TMEM266: variants seen among roughly 807,000 people sequenced by gnomAD.
TMEM266 encodes transmembrane protein 266, also known as Hv1 related protein 1.
A neutral mutation model predicts 50.5 loss-of-function variants in TMEM266; 33 were observed. That is an observed-to-expected ratio of 0.65 (90% confidence interval 0.50 to 0.87). TMEM266 has a LOEUF of 0.87. Among genes scored for constraint, TMEM266 ranks in the 40% least tolerant of loss-of-function variants. The pLI is 0.00. For synonymous variants in TMEM266, 310 were observed against 292.3 expected, an observed-to-expected ratio of 1.06 and a Z score of -0.62; for missense variants, 655 against 695.1, an observed-to-expected ratio of 0.94 and a Z score of 0.65.
At chr15:76,078,160 G>A (rs1289521519) in intron 1 of TMEM266, among the ~76,000 whole-genome samples, 2 of 152,076 alleles carry the variant, frequency 1.3e-5, no homozygotes, top group African/African-American at 2.4e-5. Context: ...ACTTTGTGGT[G>A]CTGGAGACAA....
chr15:76,184,001 C>T (rs1286065702), intron 8 of TMEM266, among the ~76,000 whole-genome samples: 1 of 152,204 alleles, frequency 6.6e-6, no homozygotes, highest in Admixed American at 6.5e-5. Flanking sequence ...GTTTTCTGGA[C>T]CCCTGAGAGA....
At chr15:76,188,085 C>A (rs1018907319) in intron 8 of TMEM266, among the ~76,000 whole-genome samples, 1 of 151,976 alleles carries the variant, frequency 6.6e-6, no homozygotes, top group Non-Finnish European at 1.5e-5. Context: ...TGCCTTCCCC[C>A]CCCACCCCGC....
intron 9 of TMEM266, among the ~76,000 whole-genome samples, chr15:76,199,399 C>G (rs1278680250): frequency 6.6e-6 from 1 of 152,214 alleles, no homozygotes; most frequent in African/African-American, 2.4e-5. Context: ...AGCCAGGACT[C>G]AGGATGTCTC....
intron 1 of TMEM266, among the ~76,000 whole-genome samples, chr15:76,064,548 G>C (rs759679106): frequency 2.6e-5 from 4 of 152,164 alleles, no homozygotes; most frequent in Non-Finnish European, 4.4e-5. Flanking sequence ...GGGAGAAACT[G>C]CTCCTCAGCC....
At position 76,187,450 on chromosome 15, in the gene TMEM266, G is replaced by A. The variant is rs139059722; in HGVS notation, c.769-4518G>A. Among the ~76,000 whole-genome samples, 1,308 of 152,368 alleles carry A rather than the reference G, an allele frequency of 8.6e-3. 23 individuals are homozygous for A. The highest frequency in any genetic ancestry group is 0.03 in the African/African-American group (1,250 of 41,584). ...ATGGGAGGTTCAGATCAGCAGGGCA[G>A]GAGGGGCTCCCCCAGCAGAGCTTGG... is the stretch of plus-strand genomic sequence containing the variant. On this transcript the variant is annotated intron_variant, in intron 8 of 10. Transcript: ENST00000388942.
intron 1 of TMEM266, among the ~76,000 whole-genome samples, chr15:76,101,460 G>C (rs2036998330): frequency 6.6e-6 from 1 of 152,228 alleles, no homozygotes; most frequent in Admixed American, 6.5e-5. Context: ...TCCAGGCAGT[G>C]CCCTGTCTGA....
At chr15:76,122,510 CAA>C (rs1377257486) in intron 1 of TMEM266, among the ~76,000 whole-genome samples, 1 of 152,106 alleles carries the variant, frequency 6.6e-6, no homozygotes, top group African/African-American at 2.4e-5. Flanking sequence ...TATTCACTGG[CAA>C]AGTTAATTAT....
At chr15:76,067,433 A>C (rs1273000121) in intron 1 of TMEM266, among the ~76,000 whole-genome samples, 1 of 152,024 alleles carries the variant, frequency 6.6e-6, no homozygotes, top group Admixed American at 6.6e-5. Context: ...ACCTAAGGTC[A>C]GGAGTTTGAG....
At chr15:76,084,492 T>C (rs1411372367) in intron 1 of TMEM266, among the ~76,000 whole-genome samples, 6 of 151,978 alleles carry the variant, frequency 3.9e-5, no homozygotes, top group Non-Finnish European at 8.8e-5. Context: ...TATGGAGAAA[T>C]AGCAAGTGAT....
intron 7 of TMEM266, among the ~76,000 whole-genome samples, chr15:76,173,322 G>C (rs1225548497): frequency 6.6e-6 from 1 of 152,198 alleles, no homozygotes; most frequent in Non-Finnish European, 1.5e-5. Context: ...AGGGGCAAGA[G>C]AGGCATGTGA....
At chr15:76,192,639 T>A (rs1343294143) in intron 9 of TMEM266, among the ~76,000 whole-genome samples, 2 of 152,160 alleles carry the variant, frequency 1.3e-5, no homozygotes, top group Admixed American at 6.5e-5. Context: ...AGCCCAGAGC[T>A]TGAGCCTTGC....
intron 1 of TMEM266, among the ~76,000 whole-genome samples, chr15:76,093,626 C>T (rs572533011): frequency 6.6e-6 from 1 of 152,138 alleles, no homozygotes; most frequent in Non-Finnish European, 1.5e-5. Flanking sequence ...TGGGTATATA[C>T]CCAGTAATGG....
Position 76,139,156 on chromosome 15 carries a change from C to T in TMEM266, c.227+1261C>T, listed in dbSNP as rs999080223. ...GGTATTTTAGAAGCAAACGAGAAGC[C>T]TTAGCTCAAGCTAAATTTGCAGAGC... On this transcript the variant is annotated intron_variant, in intron 3 of 10. Transcript: ENST00000388942. This position sits in a 1 kb window ranked among gnomAD's most constrained non-coding sequence, Gnocchi z 4.1. Among the ~76,000 whole-genome samples the T allele has an allele frequency of 1.3e-5, 2 of 152,178 alleles. No individual in the cohort carries two copies. The highest frequency in any genetic ancestry group is 4.8e-5 in the African/African-American group (2 of 41,438).
intron 1 of TMEM266, among the ~76,000 whole-genome samples, chr15:76,117,218 A>G (rs1045793803): frequency 3.3e-5 from 5 of 151,580 alleles, no homozygotes; most frequent in Admixed American, 3.3e-4. Flanking sequence ...AGGGTCTTAC[A>G]CTTGATGCAT....
chr15:76,084,058 C>A (rs773666886), intron 1 of TMEM266, among the ~76,000 whole-genome samples: 37 of 152,104 alleles, frequency 2.4e-4, no homozygotes, highest in Admixed American at 6.6e-5. Context: ...ACAGGAATGA[C>A]ACCAAAGTGT....
intron 1 of TMEM266, among the ~76,000 whole-genome samples, chr15:76,095,360 T>C (rs1198014233): frequency 6.6e-6 from 1 of 152,164 alleles, no homozygotes; most frequent in African/African-American, 2.4e-5. Context: ...TTTCTGCATC[T>C]ATTGAGATAA....
intron 1 of TMEM266, among the ~76,000 whole-genome samples, chr15:76,083,710 C>T (rs1039555304): frequency 6.6e-6 from 1 of 152,096 alleles, no homozygotes; most frequent in Non-Finnish European, 1.5e-5. Context: ...TGTAATTACT[C>T]GATTGTCTTT....
intron 1 of TMEM266, among the ~76,000 whole-genome samples, chr15:76,119,957 T>G (rs886865860): frequency 6.6e-6 from 1 of 152,194 alleles, no homozygotes; most frequent in Non-Finnish European, 1.5e-5. Context: ...GTATTTGAAC[T>G]TAAATAGTCC....
chr15:76,079,771 CAA>C (rs1180534538), intron 1 of TMEM266, among the ~76,000 whole-genome samples: 11 of 46,578 alleles, frequency 2.4e-4, no homozygotes, highest in Admixed American at 5.0e-4. Context: ...GACTCTGTCT[CAA>C]AAAAAAAAAA....
Sources: gnomAD v4.1 joint callset for allele counts (sites outside exome capture counted in the v4.1 genomes callset) on GRCh38, gnomAD v4.1.1 for gene constraint, Gnocchi (gnomAD v3.1) non-coding constraint, MANE v1.5 for transcripts, NCBI Gene and HGNC (gene_info 2026-07-23, HGNC 2026-07-21) for gene names.